POT1: variants seen among roughly 807,000 people sequenced by gnomAD.
The protein encoded by POT1 is protection of telomeres 1, also known as protection of telomeres protein 1.
POT1 carries 47 observed loss-of-function variants against 78.5 expected under a neutral mutation model. That is an observed-to-expected ratio of 0.60 (90% CI 0.47 to 0.76). The LOEUF (loss-of-function observed/expected upper bound fraction) is 0.76. POT1 is among the 30% of genes least tolerant of loss of function. The probability of loss-of-function intolerance (pLI) is 0.00; values close to 1 mark genes in which losing one functional copy is unlikely to be tolerated. For synonymous variants in POT1, 259 were observed against 260.7 expected (o/e 0.99, Z 0.06); for missense variants, 646 against 749.9 (o/e 0.86, Z 1.62).
chr7:124,888,735 T>A (rs1285244845), intron 6 of POT1, among the ~76,000 whole-genome samples: 1 of 152,040 alleles, frequency 6.6e-6, no homozygotes, highest in Non-Finnish European at 1.5e-5. Flanking sequence ...TACTTCAGAC[T>A]TTCCCATTTT....
intron 18 of POT1, among the ~76,000 whole-genome samples, chr7:124,824,668 T>G (rs1437769360): frequency 6.6e-6 from 1 of 152,066 alleles, no homozygotes; most frequent in African/African-American, 2.4e-5. Context: ...ATCAAAATTG[T>G]CTTAATATGA....
intron 5 of POT1, among the ~76,000 whole-genome samples, chr7:124,896,681 A>G (rs566627733): frequency 1.9e-4 from 29 of 151,946 alleles, no homozygotes; most frequent in African/African-American, 6.3e-4. Flanking sequence ...GCTATAAGGA[A>G]GCTATAGCTA....
At chr7:124,873,643 A>C (rs79317583) in intron 6 of POT1, among the ~76,000 whole-genome samples, 3,862 of 152,062 alleles carry the variant, frequency 0.025, 159 homozygotes, top group African/African-American at 0.088. Flanking sequence ...CTTCTCTTCC[A>C]TTTTTGGAAG....
intron 3 of POT1, among the ~76,000 whole-genome samples, chr7:124,915,068 A>T (rs1676866681): frequency 6.6e-6 from 1 of 152,206 alleles, no homozygotes; most frequent in African/African-American, 2.4e-5. Context: ...ATGTAAATTC[A>T]ATAAGACAAG....
chr7:124,903,608 A>G (rs1796680258), intron 3 of POT1, among the ~76,000 whole-genome samples: 1 of 152,228 alleles, frequency 6.6e-6, no homozygotes, highest in Non-Finnish European at 1.5e-5. Context: ...CATCACAATT[A>G]AAAGAACTGG....
At chr7:124,860,868 C>T (rs150481011) in intron 8 of POT1, among the ~76,000 whole-genome samples, 2,595 of 151,990 alleles carry the variant, frequency 0.017, 71 homozygotes, top group African/African-American at 0.059. Context: ...TTTGGTTTTC[C>T]GTTCTTGTGT....
At chr7:124,865,398 C>A (rs1393101896) in intron 7 of POT1, among the ~76,000 whole-genome samples, 2 of 152,102 alleles carry the variant, frequency 1.3e-5, no homozygotes, top group Admixed American at 1.3e-4. Context: ...CCTCTCTCCT[C>A]TTGCATCCTA....
chr7:124,840,841 A>C (rs1795008550), intron 14 of POT1, 132 bp downstream of exon 14: 1 of 621,530 alleles, frequency 1.6e-6, no homozygotes, highest in Non-Finnish European at 2.6e-6. Context: ...ATATATATTC[A>C]ATTTTGTTAA....
rs1440137002 is a variant in POT1, at chr7:124,822,457, G to A, written c.*1505C>T. The A allele has an allele frequency of 7.2e-6, 3 of 415,082 alleles. No homozygotes were observed. The highest frequency in any genetic ancestry group is 1.7e-5 in the South Asian group (1 of 59,086). 25.7% of individuals were successfully genotyped at this position (415,082 alleles called of 1,614,324 possible). A position where few individuals can be genotyped will look rare whatever the true frequency, so the allele number is the denominator to read the frequency against. On this transcript the variant is annotated 3_prime_UTR_variant, in exon 19 of 19. Coordinates refer to ENST00000357628, the MANE Select transcript of POT1 (RefSeq NM_015450.3). ...TGGCCTATCATCATGAAGATTCATA[G>A]GAAGAGTTTTCCTTTGTTAACGTGG...
At chr7:124,864,591 T>C (rs886858527) in intron 7 of POT1, among the ~76,000 whole-genome samples, 1 of 152,172 alleles carries the variant, frequency 6.6e-6, no homozygotes, top group Non-Finnish European at 1.5e-5. Flanking sequence ...TTCTTAGCTA[T>C]GAATAAATCT....
At chr7:124,920,523 T>C (rs1259336984) in intron 2 of POT1, among the ~76,000 whole-genome samples, 1 of 152,066 alleles carries the variant, frequency 6.6e-6, no homozygotes, top group Non-Finnish European at 1.5e-5. Context: ...CTCACAGAAG[T>C]GTATGCAAAA....
intron 12 of POT1, among the ~76,000 whole-genome samples, chr7:124,843,743 A>G (rs1337903163): frequency 6.6e-6 from 1 of 152,200 alleles, no homozygotes; most frequent in Non-Finnish European, 1.5e-5. Context: ...CTAGCTTAAC[A>G]CTTTCATGTG....
intron 2 of POT1, among the ~76,000 whole-genome samples, chr7:124,920,373 C>CA (rs1268156456): frequency 1.3e-5 from 2 of 151,854 alleles, no homozygotes; most frequent in African/African-American, 2.4e-5. Flanking sequence ...TCTTGAAAAA[C>CA]AAAAAAACAG....
At chr7:124,831,546 T>C (rs1584750553) in intron 15 of POT1, among the ~76,000 whole-genome samples, 2 of 152,246 alleles carry the variant, frequency 1.3e-5, no homozygotes, top group Non-Finnish European at 2.9e-5. Context: ...AAAAAAACTG[T>C]TTATGACCCA....
At chr7:124,862,972 G>A (rs1401786861) in intron 8 of POT1, among the ~76,000 whole-genome samples, 1 of 151,988 alleles carries the variant, frequency 6.6e-6, no homozygotes, top group Non-Finnish European at 1.5e-5. Flanking sequence ...ACATCAACGG[G>A]ACAAAAAAGT....
intron 15 of POT1, among the ~76,000 whole-genome samples, chr7:124,833,159 G>GA (rs1192911178): frequency 7.9e-5 from 12 of 152,048 alleles, no homozygotes; most frequent in Non-Finnish European, 7.4e-5. Context: ...ATGAGAGGGA[G>GA]AATTAGACAC....
intron 2 of POT1, among the ~76,000 whole-genome samples, chr7:124,927,635 C>T (rs952913808): frequency 2.6e-5 from 4 of 152,136 alleles, no homozygotes; most frequent in Non-Finnish European, 5.9e-5. Context: ...CAACATGGTT[C>T]TCTTCTCTTC....
intron 8 of POT1, among the ~76,000 whole-genome samples, chr7:124,862,657 C>A (rs1355610443): frequency 6.6e-6 from 1 of 152,142 alleles, no homozygotes; most frequent in African/African-American, 2.4e-5. Flanking sequence ...AGTGCCACTG[C>A]ATTCCATTTC....
chr7:124,838,543 T>C (rs1794948705), intron 14 of POT1, among the ~76,000 whole-genome samples: 2 of 152,140 alleles, frequency 1.3e-5, no homozygotes, highest in Non-Finnish European at 2.9e-5. Flanking sequence ...AGATAGTCCA[T>C]GTTCATCGTC....
Sources: gnomAD v4.1 joint callset for allele counts (sites outside exome capture counted in the v4.1 genomes callset) on GRCh38, gnomAD v4.1.1 for gene constraint, MANE v1.5 for transcripts, NCBI Gene and HGNC (gene_info 2026-07-23, HGNC 2026-07-21) for gene names.